RTF2: variants seen among roughly 807,000 people sequenced by gnomAD.
RTF2 encodes replication termination factor 2.
In RTF2, 18 loss-of-function variants were observed where a neutral mutation model predicts 38.0. That is an observed-to-expected ratio of 0.47 (90% CI 0.33 to 0.70). RTF2 has a LOEUF of 0.70. Ranked by LOEUF, RTF2 falls within the 30% of genes least tolerant of loss-of-function variation. The pLI, the probability that RTF2 is intolerant of heterozygous loss-of-function variation, is 0.02. For synonymous variants in RTF2, 126 were observed against 137.1 expected (o/e 0.92, Z 0.57); for missense variants, 311 against 379.6 (o/e 0.82, Z 1.50).
intron 5 of RTF2, among the ~76,000 whole-genome samples, chr20:56,489,503 G>A (rs1427047618): frequency 6.6e-6 from 1 of 152,168 alleles, no homozygotes; most frequent in East Asian, 1.9e-4. Flanking sequence ...ACTGCAGAGT[G>A]TAGCTGCCTG....
chr20:56,470,427 C>T (rs1230962642), intron 1 of RTF2, among the ~76,000 whole-genome samples: 1 of 152,160 alleles, frequency 6.6e-6, no homozygotes, highest in Admixed American at 6.5e-5. Context: ...AAGTGGTTAC[C>T]ATATATACAT....
At chr20:56,491,800 A>G (rs1983162922) in intron 5 of RTF2, 1 of 1,533,978 alleles carries the variant, frequency 6.5e-7, no homozygotes. Flanking sequence ...AAAGAAACAC[A>G]AAAACCTAGC....
chr20:56,513,523 C>A, intron 6 of RTF2, 95 bp downstream of exon 6: 2 of 1,483,092 alleles, frequency 1.3e-6, no homozygotes. Flanking sequence ...TAGGGGTTTG[C>A]ATGATCAAGG....
chr20:56,474,405 C>T (rs762840085), intron 2 of RTF2, among the ~76,000 whole-genome samples: 108 of 152,274 alleles, frequency 7.1e-4, no homozygotes, highest in Non-Finnish European at 1.3e-3. Flanking sequence ...TGCTTGAATC[C>T]GGGAGGCGGA....
At chr20:56,493,653 T>A (rs1983314678) in intron 5 of RTF2, among the ~76,000 whole-genome samples, 2 of 102,944 alleles carry the variant, frequency 1.9e-5, no homozygotes, top group Admixed American at 1.1e-4. Context: ...CGAGACCCTG[T>A]CTCAAAAAAA....
chr20:56,518,566 G>C lies in RTF2; in HGVS notation c.*301G>C, dbSNP rs1258361687. The stretch of plus-strand genomic sequence containing the variant: ...GCACTTTTTATGCTTGCAGTAACAA[G>C]AGACTCCAGAGTCCTCACCGGTGCA... On this transcript the variant is annotated 3_prime_UTR_variant, in exon 9 of 9. Coordinates refer to ENST00000357348, the MANE Select transcript of RTF2 (RefSeq NM_016407.5). 3.5e-6 allele frequency: 1 copy of C among 288,124 alleles called. No individual in the cohort carries two copies. Among genetic ancestry groups the C allele is most frequent in the African/African-American group, 2.2e-5 (1 of 46,140 alleles). The allele number at this position is 288,124 out of a possible 1,614,324, so 17.8% of individuals were successfully genotyped here. A position where few individuals can be genotyped will look rare whatever the true frequency, so the allele number is the denominator to read the frequency against.
At chr20:56,507,249 C>T (rs1031361254) in intron 5 of RTF2, among the ~76,000 whole-genome samples, 5 of 152,126 alleles carry the variant, frequency 3.3e-5, no homozygotes, top group South Asian at 2.1e-4. Context: ...TCCCCATCTC[C>T]GCAGTAGCCC....
intron 5 of RTF2, among the ~76,000 whole-genome samples, chr20:56,505,487 C>CATAATAATA (rs60767194): frequency 0.41 from 56,440 of 139,300 alleles, 12,990 homozygotes; most frequent in East Asian, 0.53. Flanking sequence ...GATGCCATCT[C>CATAATAATA]ATAATAATAA....
rs1483983226 is a variant in RTF2, at chr20:56,519,421, T to C, written c.*1156T>C. ...CAAGGATATTTTGACATTGTGAGTA[T>C]AGAGCATTTTAATAAAAATTAAGTG... On this transcript the variant is annotated 3_prime_UTR_variant, in exon 9 of 9. Transcript: ENST00000357348. The C allele has an allele frequency of 6.6e-6, 1 of 152,218 alleles. No homozygotes were observed. The highest frequency in any genetic ancestry group is 1.5e-5 in the Non-Finnish European group (1 of 68,054). The allele number at this position is 152,218 out of a possible 1,614,324, so 9.4% of individuals were successfully genotyped here.
chr20:56,517,901 A>T (rs1383581040), intron 8 of RTF2, among the ~76,000 whole-genome samples, 186 bp from the exon 9 acceptor site: 1 of 152,148 alleles, frequency 6.6e-6, no homozygotes, highest in East Asian at 1.9e-4. Context: ...AAGACAGTAA[A>T]TGATAGATGT....
intron 4 of RTF2, among the ~76,000 whole-genome samples, chr20:56,481,376 G>T: frequency 6.6e-6 from 1 of 152,168 alleles, no homozygotes. Flanking sequence ...TAACTGTCCT[G>T]TTCTGAAATG....
intron 5 of RTF2, among the ~76,000 whole-genome samples, chr20:56,487,165 A>T: frequency 6.6e-6 from 1 of 152,204 alleles, no homozygotes; most frequent in East Asian, 1.9e-4. Flanking sequence ...GCCTAAAACA[A>T]TCATACTAAT....
chr20:56,495,115 C>A, intron 5 of RTF2: 1 of 882,318 alleles, frequency 1.1e-6, no homozygotes, highest in South Asian at 1.5e-5. Context: ...CATGATCCTC[C>A]GTCTTGCCCA....
At chr20:56,477,150 A>G in intron 4 of RTF2, 26 bp downstream of exon 4, 1 of 1,610,056 alleles carries the variant, frequency 6.2e-7, no homozygotes, top group South Asian at 1.1e-5. Context: ...GGGACAGATG[A>G]TGTGGGAGGC....
At chr20:56,513,893 T>TCC (rs1984854318) in intron 6 of RTF2, 2 of 162,584 alleles carry the variant, frequency 1.2e-5, no homozygotes, top group South Asian at 3.4e-4. Flanking sequence ...AATGTAAGGC[T>TCC]CCCCTGCTGC....
At chr20:56,513,504 G>C in intron 6 of RTF2, 76 bp downstream of exon 6, 2 of 1,533,882 alleles carry the variant, frequency 1.3e-6, no homozygotes, top group Non-Finnish European at 1.8e-6. Flanking sequence ...AACTGAGCTG[G>C]CAGCTGCTTA....
intron 5 of RTF2, among the ~76,000 whole-genome samples, chr20:56,508,937 A>G (rs6127777): frequency 0.047 from 7,121 of 152,288 alleles, 483 homozygotes; most frequent in East Asian, 0.29. Context: ...ACGCAGGAGT[A>G]AATCACAATC....
intron 5 of RTF2, among the ~76,000 whole-genome samples, chr20:56,508,231 AG>A (rs1984409170): frequency 6.6e-6 from 1 of 152,230 alleles, no homozygotes; most frequent in African/African-American, 2.4e-5. Context: ...GAGGAGAGTC[AG>A]CAAATGCTTG....
At chr20:56,512,479 G>A (rs1161208379) in intron 5 of RTF2, among the ~76,000 whole-genome samples, 1 of 152,128 alleles carries the variant, frequency 6.6e-6, no homozygotes, top group Non-Finnish European at 1.5e-5. Context: ...GTCACAGGGA[G>A]CCTCTGCAGA....
Sources: allele counts gnomAD v4.1 joint callset (sites outside exome capture counted in the v4.1 genomes callset), GRCh38; gene constraint gnomAD v4.1.1; transcripts MANE v1.5; gene names NCBI Gene and HGNC (gene_info 2026-07-23, HGNC 2026-07-21).